Variants in CTNNA3 observed in about 807,000 individuals in gnomAD.
CTNNA3 encodes the protein catenin alpha 3.
In CTNNA3, 76 loss-of-function variants were observed where a neutral mutation model predicts 95.7. The observed-to-expected ratio is 0.79, with a 90% CI of 0.66 to 0.96. The LOEUF is 0.96. Ranked by LOEUF, CTNNA3 falls within the 40% of genes least tolerant of loss-of-function variation. The pLI, the probability that CTNNA3 is intolerant of heterozygous loss-of-function variation, is 0.00. For missense variants in CTNNA3, 1,191 were observed against 1,089.8 expected (o/e 1.09, Z -1.31); for synonymous variants, 431 against 374.4 (o/e 1.15, Z -1.74).
intron 2 of CTNNA3, among the ~76,000 whole-genome samples, chr10:67,618,885 A>C (rs1364814497): frequency 6.6e-6 from 1 of 152,200 alleles, no homozygotes; most frequent in Non-Finnish European, 1.5e-5. Context: ...CCAGTCACCC[A>C]TCTTGAATCT....
intron 7 of CTNNA3, among the ~76,000 whole-genome samples, chr10:67,091,226 C>A (rs1857612469): frequency 6.6e-6 from 1 of 151,846 alleles, no homozygotes; most frequent in African/African-American, 2.4e-5. Context: ...ATAAATGAAA[C>A]AGATAGTAGA....
chr10:67,648,448 C>G (rs757227340), intron 1 of CTNNA3, among the ~76,000 whole-genome samples: 1 of 152,158 alleles, frequency 6.6e-6, no homozygotes, highest in South Asian at 2.1e-4. Flanking sequence ...TTCTCTTTCT[C>G]TTATTGAAAA....
intron 12 of CTNNA3, among the ~76,000 whole-genome samples, chr10:66,367,864 TAA>T (rs1564902970): frequency 4.1e-3 from 213 of 52,574 alleles, no homozygotes; most frequent in Middle Eastern, 8.8e-3. Context: ...ATAATAATAA[TAA>T]TAATAATAAT....
At chr10:66,530,638 G>A (rs1019828727) in intron 10 of CTNNA3, among the ~76,000 whole-genome samples, 1 of 152,074 alleles carries the variant, frequency 6.6e-6, no homozygotes, top group African/African-American at 2.4e-5. Context: ...AGGGGAGGGT[G>A]TGGTGCTGAG....
intron 7 of CTNNA3, among the ~76,000 whole-genome samples, chr10:67,002,444 C>T (rs1030201794): frequency 1.3e-4 from 20 of 152,008 alleles, no homozygotes; most frequent in Non-Finnish European, 2.2e-4. Context: ...ATGCTTTCTA[C>T]AAGGTTGAAT....
At chr10:67,741,726 G>T (rs916877609) in intron 1 of CTNNA3, among the ~76,000 whole-genome samples, 4 of 151,262 alleles carry the variant, frequency 2.6e-5, no homozygotes, top group African/African-American at 9.7e-5. Context: ...TGGATAAAGA[G>T]TCAAGACCCA....
At chr10:67,517,909 C>T (rs1270966589) in intron 5 of CTNNA3, among the ~76,000 whole-genome samples, 1 of 152,074 alleles carries the variant, frequency 6.6e-6, no homozygotes, top group East Asian at 1.9e-4. Flanking sequence ...ATATCCATAT[C>T]CTTATGGAAC....
intron 7 of CTNNA3, among the ~76,000 whole-genome samples, chr10:66,810,399 T>C (rs912239332): frequency 1.3e-5 from 2 of 152,144 alleles, no homozygotes; most frequent in African/African-American, 4.8e-5. Context: ...GCTGGAACAC[T>C]GAAGTCATCT....
At chr10:66,898,499 AAAAC>A (rs1343074297) in intron 7 of CTNNA3, among the ~76,000 whole-genome samples, 1 of 152,192 alleles carries the variant, frequency 6.6e-6, no homozygotes, top group Non-Finnish European at 1.5e-5. Flanking sequence ...AAACAAACAA[AAAAC>A]AGACAGACCA....
chr10:66,385,981 C>T (rs985676352), intron 11 of CTNNA3, among the ~76,000 whole-genome samples: 1 of 152,142 alleles, frequency 6.6e-6, no homozygotes, highest in Non-Finnish European at 1.5e-5. Context: ...CCACAGCCCC[C>T]AATATCATAC....
At chr10:66,898,105 A>G (rs539534831) in intron 7 of CTNNA3, among the ~76,000 whole-genome samples, 1 of 152,338 alleles carries the variant, frequency 6.6e-6, no homozygotes, top group East Asian at 1.9e-4. Context: ...ATAAGGAACA[A>G]TAACTGCAAT....
intron 7 of CTNNA3, among the ~76,000 whole-genome samples, chr10:67,001,087 G>A (rs910353636): frequency 2.0e-5 from 3 of 151,950 alleles, no homozygotes; most frequent in African/African-American, 4.8e-5. Flanking sequence ...TGGATCATGA[G>A]GTCAGGAGAT....
At chr10:67,661,435 G>T (rs965053037) in intron 1 of CTNNA3, among the ~76,000 whole-genome samples, 4 of 151,976 alleles carry the variant, frequency 2.6e-5, no homozygotes, top group Admixed American at 2.6e-4. Context: ...CAGAGCTAAA[G>T]GTAGGACCTA....
At chr10:67,624,124 T>C (rs926948273) in intron 2 of CTNNA3, among the ~76,000 whole-genome samples, 2 of 152,072 alleles carry the variant, frequency 1.3e-5, no homozygotes, top group African/African-American at 4.8e-5. Context: ...GCCCAGCCGA[T>C]TATTTTAAAT....
intron 7 of CTNNA3, among the ~76,000 whole-genome samples, chr10:66,891,107 G>T (rs1473615501): frequency 6.6e-6 from 1 of 152,122 alleles, no homozygotes; most frequent in African/African-American, 2.4e-5. Flanking sequence ...GACCAGATAA[G>T]AATAATTCTG....
intron 17 of CTNNA3, among the ~76,000 whole-genome samples, chr10:65,941,722 T>C (rs1173883287): frequency 6.6e-6 from 1 of 152,204 alleles, no homozygotes; most frequent in Admixed American, 6.5e-5. Context: ...TTGATTAAAT[T>C]GATTCTGATC....
intron 11 of CTNNA3, among the ~76,000 whole-genome samples, chr10:66,519,359 T>C (rs1276589950): frequency 6.6e-6 from 1 of 152,218 alleles, no homozygotes; most frequent in Non-Finnish European, 1.5e-5. Context: ...TTTAGACTTG[T>C]TTGTTTAATT....
chr10:66,606,448 A>C (rs1244033009), intron 10 of CTNNA3, among the ~76,000 whole-genome samples: 1 of 152,144 alleles, frequency 6.6e-6, no homozygotes, highest in Non-Finnish European at 1.5e-5. Flanking sequence ...TCTCCACTAA[A>C]AGCAAGAGAG....
rs190542685 is a variant in CTNNA3 at position 67,276,408 on chromosome 10, C to G, written c.580-56538G>C. 1.1e-4 allele frequency among the ~76,000 whole-genome samples: 16 copies of G among 152,112 alleles called. No homozygotes were observed. The East Asian group carries it at 3.1e-3, about 29-fold the overall frequency. On this transcript the variant is annotated intron_variant, in intron 5 of 17. Transcript: ENST00000433211. ...TTTCTAAAATTCTATGCAAAGAAAGCAATCAGATACTGAAATAAGTATTTA... is the reference window on the plus strand; with the variant it reads ...TTTCTAAAATTCTATGCAAAGAAAGGAATCAGATACTGAAATAAGTATTTA...
Sources: gnomAD v4.1 joint callset for allele counts (sites outside exome capture counted in the v4.1 genomes callset) on GRCh38, gnomAD v4.1.1 for gene constraint, MANE v1.5 for transcripts, NCBI Gene and HGNC (gene_info 2026-07-23, HGNC 2026-07-21) for gene names.